RNF217: variants seen among roughly 807,000 people sequenced by gnomAD.
RNF217 encodes ring finger protein 217.
RNF217 carries 31 observed loss-of-function variants against 57.8 expected under a neutral mutation model. That is an observed-to-expected ratio of 0.54 (90% CI 0.40 to 0.72). The LOEUF is 0.72. Among genes scored for constraint, RNF217 ranks in the 30% least tolerant of loss-of-function variants. The pLI is 0.00. For synonymous variants in RNF217, 313 were observed against 294.0 expected (o/e 1.06, Z -0.66); for missense variants, 696 against 708.3 (o/e 0.98, Z 0.20).
chr6:125,047,456 G>C (rs1277429719), intron 2 of RNF217, among the ~76,000 whole-genome samples: 1 of 152,012 alleles, frequency 6.6e-6, no homozygotes, highest in Non-Finnish European at 1.5e-5. Flanking sequence ...TTCTATATTT[G>C]TGTAATTTTG....
chr6:125,056,649 G>A (rs1787533795), intron 2 of RNF217, among the ~76,000 whole-genome samples: 1 of 152,074 alleles, frequency 6.6e-6, no homozygotes, highest in Non-Finnish European at 1.5e-5. Flanking sequence ...TTCCAAAAAG[G>A]AAATTCTAAC....
chr6:124,975,097 A>G (rs1266778311), intron 1 of RNF217, among the ~76,000 whole-genome samples: 1 of 152,200 alleles, frequency 6.6e-6, no homozygotes, highest in African/African-American at 2.4e-5. Context: ...TCAAAAGCTA[A>G]TTATAGGCTA....
chr6:125,076,214 A>T (rs1006737371), intron 3 of RNF217, among the ~76,000 whole-genome samples: 1 of 152,182 alleles, frequency 6.6e-6, no homozygotes, highest in Non-Finnish European at 1.5e-5. Flanking sequence ...TTTGGTATTT[A>T]TTCACAAAAA....
chr6:125,017,581 G>A (rs774885518), intron 1 of RNF217, among the ~76,000 whole-genome samples: 1 of 152,148 alleles, frequency 6.6e-6, no homozygotes, highest in Non-Finnish European at 1.5e-5. Context: ...CTTATTATGA[G>A]AAGTGTTCAC....
At chr6:125,034,314 T>C (rs1288575365) in intron 1 of RNF217, among the ~76,000 whole-genome samples, 4 of 152,190 alleles carry the variant, frequency 2.6e-5, no homozygotes, top group African/African-American at 9.7e-5. Flanking sequence ...TGTTCTAGGG[T>C]TTTTATGGTT....
At chr6:124,974,912 G>T (rs1248255298) in intron 1 of RNF217, among the ~76,000 whole-genome samples, 3 of 152,140 alleles carry the variant, frequency 2.0e-5, no homozygotes, top group African/African-American at 7.2e-5. Context: ...TCCTGTTAGA[G>T]ATCTGTATTC....
rs1485537150 is a variant in RNF217, at chr6:125,089,983, T to A, written c.*7046T>A. 6.6e-6 allele frequency: 1 copy of A among 152,106 alleles called. No individual in the cohort carries two copies. The highest frequency in any genetic ancestry group is 1.5e-5 in the Non-Finnish European group (1 of 68,014). 9.4% of individuals were successfully genotyped at this position (152,106 alleles called of 1,614,324 possible). ...GTTTCTTTATAATGAAAAGTCTAGA[T>A]AAAGTATCATAATTTCATTATCAGC... is the stretch of plus-strand genomic sequence containing the variant. On this transcript the variant is annotated 3_prime_UTR_variant, in exon 6 of 6. Transcript: ENST00000521654.
intron 1 of RNF217, among the ~76,000 whole-genome samples, chr6:124,982,542 A>G (rs1471784716): frequency 6.6e-6 from 1 of 152,190 alleles, no homozygotes; most frequent in Non-Finnish European, 1.5e-5. Context: ...CTCCAAAAAA[A>G]AAAGGATTCC....
At chr6:125,023,229 A>G (rs919670495) in intron 1 of RNF217, among the ~76,000 whole-genome samples, 1 of 152,172 alleles carries the variant, frequency 6.6e-6, no homozygotes, top group Non-Finnish European at 1.5e-5. Context: ...TGTGTAAAGT[A>G]TGTCCTGGGT....
chr6:125,021,786 C>G (rs990856632), intron 1 of RNF217, among the ~76,000 whole-genome samples: 6 of 152,146 alleles, frequency 3.9e-5, no homozygotes, highest in African/African-American at 1.4e-4. Flanking sequence ...CTTACTTTCC[C>G]TGTATAACTG....
intron 1 of RNF217, among the ~76,000 whole-genome samples, chr6:125,012,214 T>A (rs879610551): frequency 2.0e-5 from 3 of 152,168 alleles, no homozygotes; most frequent in Non-Finnish European, 4.4e-5. Flanking sequence ...ATTTAAAATA[T>A]AGCATATACA....
chr6:125,027,373 T>A (rs1417704235), intron 1 of RNF217, among the ~76,000 whole-genome samples: 1 of 152,146 alleles, frequency 6.6e-6, no homozygotes. Flanking sequence ...TTGATGTGAT[T>A]TTTAGATCCC....
intron 5 of RNF217, chr6:125,082,587 A>G (rs369451559): frequency 6.2e-7 from 1 of 1,600,290 alleles, no homozygotes; most frequent in South Asian, 1.1e-5. Context: ...TGTGCAAATG[A>G]TATGACTGTG....
chr6:124,990,929 C>T (rs1032666448), intron 1 of RNF217, among the ~76,000 whole-genome samples: 1 of 152,112 alleles, frequency 6.6e-6, no homozygotes, highest in Non-Finnish European at 1.5e-5. Flanking sequence ...ATTAGCTGGG[C>T]ACAGTAGCTC....
intron 5 of RNF217, among the ~76,000 whole-genome samples, chr6:125,081,717 A>G (rs1254920115): frequency 6.6e-6 from 1 of 152,110 alleles, no homozygotes; most frequent in Admixed American, 6.6e-5. Flanking sequence ...GTCTATGAAC[A>G]CTGTGATTCA....
At chr6:125,000,331 CTT>C (rs909700865) in intron 1 of RNF217, among the ~76,000 whole-genome samples, 19 of 151,888 alleles carry the variant, frequency 1.3e-4, no homozygotes, top group Non-Finnish European at 2.5e-4. Flanking sequence ...AAACAAGACT[CTT>C]TTACTATAGT....
At position 124,988,015 on chromosome 6, in the gene RNF217, A is replaced by G. The variant is rs562212650; in HGVS notation, c.882+24589A>G. On this transcript the variant is annotated intron_variant, in intron 1 of 5. Transcript: ENST00000521654. ...CCCGGACTGTTAGGAACCAGGCCAC[A>G]TAGGAGGAGATAATGCTCGGGTGAG... is the stretch of plus-strand genomic sequence containing the variant. 2.0e-5 allele frequency among the ~76,000 whole-genome samples: 3 copies of G among 152,124 alleles called. No individual in the cohort carries two copies. The East Asian group carries it at 5.8e-4, about 29-fold the overall frequency.
intron 3 of RNF217, among the ~76,000 whole-genome samples, chr6:125,071,260 T>C (rs1343208649): frequency 6.6e-6 from 1 of 152,114 alleles, no homozygotes; most frequent in Non-Finnish European, 1.5e-5. Flanking sequence ...ATATTTCAAA[T>C]TTTGAATTTC....
intron 1 of RNF217, among the ~76,000 whole-genome samples, chr6:125,030,770 A>G (rs949311972): frequency 1.3e-5 from 2 of 151,894 alleles, no homozygotes; most frequent in African/African-American, 2.4e-5. Flanking sequence ...CACACGGTGC[A>G]AGCTGTCGGT....
Sources: allele counts gnomAD v4.1 joint callset (sites outside exome capture counted in the v4.1 genomes callset), GRCh38; gene constraint gnomAD v4.1.1; transcripts MANE v1.5; gene names NCBI Gene and HGNC (gene_info 2026-07-23, HGNC 2026-07-21).